Variants in NEK11 observed in about 807,000 individuals in gnomAD.
NEK11 encodes the protein NIMA related kinase 11.
Under a neutral mutation model 80.7 loss-of-function variants are expected in NEK11, and 72 were observed. That is an observed-to-expected ratio of 0.89 (90% CI 0.74 to 1.08). The LOEUF (loss-of-function observed/expected upper bound fraction) is 1.08. NEK11 is among the 50% of genes least tolerant of loss of function. The pLI, the probability that NEK11 is intolerant of heterozygous loss-of-function variation, is 0.00. For synonymous variants in NEK11, 251 were observed against 260.7 expected (o/e 0.96, Z 0.36); for missense variants, 764 against 763.6 (o/e 1.00, Z -0.01).
chr3:131,077,147 G>A (rs537734384), intron 3 of NEK11, among the ~76,000 whole-genome samples: 1 of 152,156 alleles, frequency 6.6e-6, no homozygotes, highest in South Asian at 2.1e-4. Flanking sequence ...AGTCTCCGGG[G>A]ATGCCTCGTT....
At chr3:131,349,230 T>C (rs1340237454) in intron 17 of NEK11, among the ~76,000 whole-genome samples, 2 of 152,170 alleles carry the variant, frequency 1.3e-5, no homozygotes, top group Non-Finnish European at 2.9e-5. Context: ...TGTGTATATG[T>C]GTATATATAC....
chr3:131,120,440 C>A (rs2082164388), intron 5 of NEK11, among the ~76,000 whole-genome samples: 2 of 152,152 alleles, frequency 1.3e-5, no homozygotes, highest in Non-Finnish European at 2.9e-5. Flanking sequence ...TTTGGTGAAA[C>A]TGATAATTAT....
At chr3:131,044,457 G>T (rs542502823) in intron 3 of NEK11, among the ~76,000 whole-genome samples, 14 of 131,796 alleles carry the variant, frequency 1.1e-4, no homozygotes, top group South Asian at 7.9e-4. Flanking sequence ...GGGGGGGGGG[G>T]TTGGAATCCT....
intron 14 of NEK11, among the ~76,000 whole-genome samples, chr3:131,184,291 CT>C (rs1377350983): frequency 6.6e-6 from 1 of 152,152 alleles, no homozygotes; most frequent in Non-Finnish European, 1.5e-5. Context: ...CAGTAGCATC[CT>C]GAGAATTTGT....
At chr3:131,294,524 G>A (rs554070519) in intron 17 of NEK11, among the ~76,000 whole-genome samples, 6 of 151,832 alleles carry the variant, frequency 4.0e-5, no homozygotes, top group Non-Finnish European at 2.9e-5. Flanking sequence ...GAGAAGATTT[G>A]TATTCTGCTG....
intron 14 of NEK11, among the ~76,000 whole-genome samples, chr3:131,173,197 TTTCTTAATAAA>T (rs2092796206): frequency 1.3e-5 from 2 of 152,340 alleles, no homozygotes; most frequent in Admixed American, 1.3e-4. Context: ...GTTTCTTTAC[TTTCTTAATAAA>T]CTTGCCTCCA....
chr3:131,213,785 A>G (rs764929951), intron 14 of NEK11, among the ~76,000 whole-genome samples: 4 of 152,138 alleles, frequency 2.6e-5, no homozygotes, highest in Non-Finnish European at 5.9e-5. Context: ...AGTTCCCCAG[A>G]TGATTCATGT....
chr3:131,166,989 A>T (rs1215102505), intron 12 of NEK11, among the ~76,000 whole-genome samples: 1 of 152,188 alleles, frequency 6.6e-6, no homozygotes, highest in Non-Finnish European at 1.5e-5. Context: ...ACAAATCCTG[A>T]CAAGGAGGCT....
At chr3:131,133,274 C>T (rs1049096355) in intron 6 of NEK11, 4 of 455,496 alleles carry the variant, frequency 8.8e-6, no homozygotes, top group Non-Finnish European at 1.3e-5. Flanking sequence ...CTCCTCATAA[C>T]AGCTACTGGA....
intron 17 of NEK11, among the ~76,000 whole-genome samples, chr3:131,288,005 A>G (rs1043741464): frequency 5.9e-5 from 9 of 152,192 alleles, no homozygotes; most frequent in African/African-American, 2.2e-4. Flanking sequence ...GCAAAAATTC[A>G]TATTCATAAA....
intron 5 of NEK11, among the ~76,000 whole-genome samples, chr3:131,121,397 A>T (rs976230917): frequency 2.6e-5 from 4 of 152,252 alleles, no homozygotes; most frequent in Middle Eastern, 6.8e-3. Flanking sequence ...GTTGGCCCCT[A>T]CTGGGATGTG....
At chr3:131,117,548 C>T (rs2081486762) in intron 5 of NEK11, among the ~76,000 whole-genome samples, 1 of 152,098 alleles carries the variant, frequency 6.6e-6, no homozygotes, top group African/African-American at 2.4e-5. Flanking sequence ...GGCATTGAAT[C>T]TATAAATTAC....
intron 15 of NEK11, among the ~76,000 whole-genome samples, chr3:131,230,542 A>G (rs2095308973): frequency 1.3e-5 from 2 of 152,182 alleles, no homozygotes; most frequent in South Asian, 2.1e-4. Flanking sequence ...TTACTCAGTC[A>G]AGGTATCCAG....
intron 17 of NEK11, among the ~76,000 whole-genome samples, chr3:131,331,363 TG>T (rs2097078424): frequency 6.6e-6 from 1 of 152,210 alleles, no homozygotes; most frequent in African/African-American, 2.4e-5. Context: ...CTTGTAAATT[TG>T]GGGGCTTGAG....
At chr3:131,337,120 T>A (rs1335446738) in intron 17 of NEK11, among the ~76,000 whole-genome samples, 1 of 152,208 alleles carries the variant, frequency 6.6e-6, no homozygotes, top group African/African-American at 2.4e-5. Flanking sequence ...ACTGGGTATA[T>A]ACCCAAAGGA....
intron 16 of NEK11, among the ~76,000 whole-genome samples, chr3:131,260,380 A>C (rs2095894527): frequency 6.6e-6 from 1 of 152,016 alleles, no homozygotes; most frequent in Admixed American, 6.6e-5. Flanking sequence ...AAGAAATTTG[A>C]CTTGAGGTGT....
chr3:131,146,998 A>G (rs982542136), intron 7 of NEK11, among the ~76,000 whole-genome samples: 6 of 151,960 alleles, frequency 3.9e-5, no homozygotes, highest in Non-Finnish European at 7.4e-5. Context: ...TCACTCTCCT[A>G]ATGGTGTCTT....
chr3:131,250,789 G>A (rs1007761041), intron 16 of NEK11, among the ~76,000 whole-genome samples: 65 of 152,084 alleles, frequency 4.3e-4, no homozygotes, highest in Admixed American at 1.9e-3. Context: ...TTATCATAAT[G>A]AGAGGAGTTT....
At chr3:131,110,062 T>A in intron 5 of NEK11, 141 bp downstream of exon 5, 2 of 821,532 alleles carry the variant, frequency 2.4e-6, no homozygotes, top group Non-Finnish European at 3.7e-6. Context: ...TAATATGTTT[T>A]TCCTTGAGAA....
Sources: allele counts gnomAD v4.1 joint callset (sites outside exome capture counted in the v4.1 genomes callset), GRCh38; gene constraint gnomAD v4.1.1; transcripts MANE v1.5; gene names NCBI Gene and HGNC (gene_info 2026-07-23, HGNC 2026-07-21).